Variants in RUNDC3B observed in about 807,000 individuals in gnomAD.
RUNDC3B encodes the protein RUN domain containing 3B, also known as RUN domain-containing protein 3B.
RUNDC3B carries 33 observed loss-of-function variants against 58.4 expected under a neutral mutation model. The observed-to-expected ratio is 0.56, with a 90% CI of 0.43 to 0.75. The LOEUF (loss-of-function observed/expected upper bound fraction) is 0.75, where lower values mean the gene tolerates loss of function less well. Among genes scored for constraint, RUNDC3B ranks in the 30% least tolerant of loss-of-function variants. The pLI is 0.00. For missense variants in RUNDC3B, 501 were observed against 535.7 expected (o/e 0.94, Z 0.64); for synonymous variants, 193 against 195.2 (o/e 0.99, Z 0.10).
intron 8 of RUNDC3B, among the ~76,000 whole-genome samples, chr7:87,778,322 A>G (rs988232332): frequency 8.5e-5 from 13 of 152,070 alleles, no homozygotes; most frequent in Non-Finnish European, 1.5e-4. Flanking sequence ...ATATGTCTAT[A>G]GTCCCAGCTA....
chr7:87,725,660 T>G (rs868709471), intron 4 of RUNDC3B, among the ~76,000 whole-genome samples: 1 of 152,194 alleles, frequency 6.6e-6, no homozygotes, highest in African/African-American at 2.4e-5. Context: ...CTTGAGGAAT[T>G]GCCACACTGA....
chr7:87,761,186 C>T (rs1159296272), intron 6 of RUNDC3B, among the ~76,000 whole-genome samples: 2 of 151,774 alleles, frequency 1.3e-5, no homozygotes, highest in African/African-American at 4.8e-5. Context: ...AAACATTTCT[C>T]CAAGGAAGAT....
intron 8 of RUNDC3B, among the ~76,000 whole-genome samples, chr7:87,787,355 A>G (rs1334893463): frequency 1.3e-5 from 2 of 152,188 alleles, no homozygotes; most frequent in African/African-American, 4.8e-5. Context: ...TCAGAAAATT[A>G]AAATTGTAAA....
At chr7:87,821,820 G>A (rs1837459365) in intron 10 of RUNDC3B, among the ~76,000 whole-genome samples, 1 of 152,130 alleles carries the variant, frequency 6.6e-6, no homozygotes, top group Non-Finnish European at 1.5e-5. Flanking sequence ...AATGGTGCTG[G>A]GAAAACTGGC....
At chr7:87,827,602 TA>T (rs549016361) in intron 10 of RUNDC3B, among the ~76,000 whole-genome samples, 20 of 151,966 alleles carry the variant, frequency 1.3e-4, no homozygotes, top group Middle Eastern at 3.4e-3. Context: ...GTTTTAATGC[TA>T]AAAAAAATTA....
chr7:87,735,577 T>C (rs1231721407), intron 4 of RUNDC3B, among the ~76,000 whole-genome samples: 1 of 152,208 alleles, frequency 6.6e-6, no homozygotes, highest in African/African-American at 2.4e-5. Flanking sequence ...CTCTGGAGAA[T>C]AATATGTAGC....
chr7:87,744,978 A>G (rs945683419), intron 6 of RUNDC3B, among the ~76,000 whole-genome samples: 4 of 152,198 alleles, frequency 2.6e-5, no homozygotes, highest in Non-Finnish European at 4.4e-5. Context: ...TATTACATCA[A>G]GGTAGGTCCC....
intron 2 of RUNDC3B, among the ~76,000 whole-genome samples, chr7:87,693,010 T>G (rs1344664346): frequency 6.6e-6 from 1 of 152,184 alleles, no homozygotes; most frequent in Non-Finnish European, 1.5e-5. Flanking sequence ...CTCTATGTGT[T>G]TGTCTTTTAT....
At chr7:87,811,832 T>C (rs1836732225) in intron 9 of RUNDC3B, among the ~76,000 whole-genome samples, 1 of 152,220 alleles carries the variant, frequency 6.6e-6, no homozygotes, top group South Asian at 2.1e-4. Context: ...CTTCTGTTGA[T>C]TTTAATAAAT....
At chr7:87,689,761 T>C (rs1827844187) in intron 2 of RUNDC3B, among the ~76,000 whole-genome samples, 1 of 152,172 alleles carries the variant, frequency 6.6e-6, no homozygotes, top group Non-Finnish European at 1.5e-5. Context: ...AAAATCATTT[T>C]ATGGTATTGT....
At position 87,823,264 on chromosome 7, in the gene RUNDC3B, G is replaced by A. The variant is rs115282817; in HGVS notation, c.1226-6621G>A. On this transcript the variant is annotated intron_variant, in intron 10 of 10. Coordinates refer to ENST00000394654, the MANE Select transcript of RUNDC3B (RefSeq NM_001134405.2). ...TAATATTTTTTCCACAAGCCTGATT[G>A]AACCCCAACAGGTACTCTTTTTAAA... is the stretch of plus-strand genomic sequence containing the variant. Among the ~76,000 whole-genome samples, 720 of 151,958 alleles carry A rather than the reference G, an allele frequency of 4.7e-3. 4 individuals are homozygous for A. Among genetic ancestry groups the A allele is most frequent in the African/African-American group, 0.016 (681 of 41,476 alleles).
intron 2 of RUNDC3B, among the ~76,000 whole-genome samples, chr7:87,682,405 C>G (rs570387541): frequency 1.3e-5 from 2 of 152,160 alleles, no homozygotes; most frequent in South Asian, 4.1e-4. Context: ...TTGCCCAGAT[C>G]CATCAGAAGA....
intron 4 of RUNDC3B, among the ~76,000 whole-genome samples, chr7:87,721,735 T>C (rs1830900615): frequency 6.6e-6 from 1 of 152,026 alleles, no homozygotes; most frequent in Non-Finnish European, 1.5e-5. Context: ...TAATTAGATC[T>C]TATTTCTCAC....
In RUNDC3B at chr7:87,807,494, C is replaced by T. The variant is rs748303302; in HGVS notation, c.1078C>T (p.Arg360Ter). Reference protein sequence around the residue: ...NAVALDTLLYRKHNKQWYEKS... With the variant: ...NAVALDTLLY ...TGTTGCCTTGGATACGTTGCTTTAC[C>T]GAAAACACAATAAACAGTGGTATGA... The change falls in exon 9 of 11, where the codon CGA becomes TGA. Residue 360 changes from arginine to a stop codon, truncating the protein, a stop_gained. Transcript: ENST00000394654. LOFTEE classifies it high-confidence loss of function. 3 of 1,613,294 alleles carry T rather than the reference C, an allele frequency of 1.9e-6. No homozygotes were observed. The highest frequency in any genetic ancestry group is 4.5e-5 in the East Asian group (2 of 44,878).
At chr7:87,632,489 A>ATT (rs1821322778) in intron 1 of RUNDC3B, among the ~76,000 whole-genome samples, 1 of 152,130 alleles carries the variant, frequency 6.6e-6, no homozygotes, top group African/African-American at 2.4e-5. Context: ...TTTTTCACAG[A>ATT]TTTTGGTGAA....
At chr7:87,770,896 A>C in intron 7 of RUNDC3B, 147 bp downstream of exon 7, 1 of 534,472 alleles carries the variant, frequency 1.9e-6, no homozygotes, top group Non-Finnish European at 3.2e-6. Flanking sequence ...TTAATGAAAA[A>C]TCAGGCAACT....
intron 6 of RUNDC3B, among the ~76,000 whole-genome samples, chr7:87,754,680 G>C (rs1018719111): frequency 8.6e-5 from 13 of 151,820 alleles, no homozygotes; most frequent in Non-Finnish European, 1.8e-4. Context: ...AGATAGTTAG[G>C]TTCCAAGCTA....
chr7:87,692,388 T>C (rs1828098789), intron 2 of RUNDC3B, among the ~76,000 whole-genome samples: 1 of 152,164 alleles, frequency 6.6e-6, no homozygotes, highest in South Asian at 2.1e-4. Context: ...GTCCAAGAAT[T>C]TGAGGTTGCA....
At chr7:87,679,798 A>G (rs764562965) in intron 2 of RUNDC3B, among the ~76,000 whole-genome samples, 9 of 150,734 alleles carry the variant, frequency 6.0e-5, no homozygotes, top group African/African-American at 1.2e-4. Context: ...GAGCCATAAA[A>G]GAAACCTTAG....
Sources: allele counts gnomAD v4.1 joint callset (sites outside exome capture counted in the v4.1 genomes callset), GRCh38; gene constraint gnomAD v4.1.1; transcripts MANE v1.5; gene names NCBI Gene and HGNC (gene_info 2026-07-23, HGNC 2026-07-21).